ATP10A: variants seen among roughly 807,000 people sequenced by gnomAD.
ATP10A encodes phospholipid-transporting ATPase VA.
A neutral mutation model predicts 147.8 loss-of-function variants in ATP10A; 111 were observed. The ratio of observed to expected loss-of-function variants is 0.75; its 90% CI spans 0.64 to 0.88. ATP10A has a LOEUF of 0.88. ATP10A is among the 40% of genes least tolerant of loss of function. The pLI is 0.00. For synonymous variants in ATP10A, 875 were observed against 841.6 expected (o/e 1.04, Z -0.69); for missense variants, 1,927 against 1,959.0 (o/e 0.98, Z 0.31).
chr15:25,676,350 G>A (rs8024641), downstream of ATP10A, among the ~76,000 whole-genome samples: 2 of 152,154 alleles, frequency 1.3e-5, no homozygotes, highest in Non-Finnish European at 1.5e-5. Flanking sequence ...CTCTCCCCGC[G>A]CCTCCCTGGC....
rs1014254354 is a variant in ATP10A, at chr15:25,781,755, C to A, written c.450-532G>T. Among the ~76,000 whole-genome samples, 17 of 152,112 alleles carry A rather than the reference C, an allele frequency of 1.1e-4. 1 individual carries two copies. Among genetic ancestry groups the A allele is most frequent in the African/African-American group, 3.4e-4 (14 of 41,420 alleles). ...CATAAAGGCCACATATTGTATGACTCCATTGAACAAGCAAATGCATAGAGA... is the reference window on the plus strand; with the variant it reads ...CATAAAGGCCACATATTGTATGACTACATTGAACAAGCAAATGCATAGAGA... On this transcript the variant is annotated intron_variant, in intron 1 of 20. Coordinates refer to ENST00000555815, the MANE Select transcript of ATP10A (RefSeq NM_024490.4).
intron 2 of ATP10A, among the ~76,000 whole-genome samples, chr15:25,745,844 A>G (rs1362301371): frequency 1.3e-5 from 2 of 152,232 alleles, no homozygotes; most frequent in Non-Finnish European, 2.9e-5. Context: ...TCAAAGATGC[A>G]TGTTGTAATC....
chr15:25,856,258 A>C (rs1305268249), intron 1 of ATP10A, among the ~76,000 whole-genome samples: 2 of 152,104 alleles, frequency 1.3e-5, no homozygotes, highest in Admixed American at 1.3e-4. Context: ...CGTGCTAATG[A>C]GTGAGTCTCA....
chr15:25,705,549 T>C (rs551067931), intron 12 of ATP10A, among the ~76,000 whole-genome samples: 25 of 151,906 alleles, frequency 1.6e-4, no homozygotes, highest in African/African-American at 3.6e-4. Flanking sequence ...TTAATGAAGC[T>C]GAGGAGCTGG....
At chr15:25,725,803 G>C (rs959052294) in intron 5 of ATP10A, 148 bp downstream of exon 5, 68 of 953,202 alleles carry the variant, frequency 7.1e-5, no homozygotes, top group Non-Finnish European at 9.4e-5. Flanking sequence ...ATTTTTAGTA[G>C]AGATGGGATT....
At chr15:25,713,226 C>A (rs1475012913) in intron 10 of ATP10A, among the ~76,000 whole-genome samples, 1 of 152,164 alleles carries the variant, frequency 6.6e-6, no homozygotes, top group Non-Finnish European at 1.5e-5. Context: ...CCTTCCCCTC[C>A]CAAGTGCCAG....
At chr15:25,850,963 G>T (rs1281165777) in intron 1 of ATP10A, among the ~76,000 whole-genome samples, 1 of 152,048 alleles carries the variant, frequency 6.6e-6, no homozygotes, top group Admixed American at 6.6e-5. Context: ...TCGTGTACTG[G>T]ATTCTTTTAG....
At chr15:25,713,165 G>A (rs1901547521) in intron 10 of ATP10A, among the ~76,000 whole-genome samples, 1 of 152,204 alleles carries the variant, frequency 6.6e-6, no homozygotes, top group African/African-American at 2.4e-5. Flanking sequence ...CGTCCTCTGA[G>A]CACAGAGGGA....
intron 1 of ATP10A, among the ~76,000 whole-genome samples, chr15:25,799,557 T>C (rs1225942645): frequency 1.3e-5 from 2 of 152,132 alleles, no homozygotes; most frequent in Non-Finnish European, 2.9e-5. Context: ...ATAACATTCA[T>C]TGGCATGTTC....
chr15:25,706,728 G>A (rs577161280), intron 12 of ATP10A, among the ~76,000 whole-genome samples: 14 of 152,336 alleles, frequency 9.2e-5, no homozygotes, highest in African/African-American at 2.4e-4. Flanking sequence ...AAATGGCACC[G>A]GAGGGCCAAT....
intron 13 of ATP10A, among the ~76,000 whole-genome samples, chr15:25,696,503 C>T (rs937929558): frequency 6.6e-6 from 1 of 152,260 alleles, no homozygotes; most frequent in Non-Finnish European, 1.5e-5. Flanking sequence ...CATCCCGTTG[C>T]TCCCACTGAC....
intron 1 of ATP10A, among the ~76,000 whole-genome samples, chr15:25,858,713 G>A (rs956116286): frequency 6.6e-6 from 1 of 152,066 alleles, no homozygotes; most frequent in African/African-American, 2.4e-5. Flanking sequence ...AAAGATGACG[G>A]AAAGACACTG....
intron 12 of ATP10A, among the ~76,000 whole-genome samples, chr15:25,704,815 C>T (rs1236449805): frequency 6.6e-6 from 1 of 152,192 alleles, no homozygotes; most frequent in African/African-American, 2.4e-5. Context: ...ATTTATGTGA[C>T]TCTGAGTAAA....
intron 1 of ATP10A, among the ~76,000 whole-genome samples, chr15:25,833,773 C>A (rs796154797): frequency 3.3e-5 from 5 of 152,210 alleles, no homozygotes; most frequent in African/African-American, 1.2e-4. Flanking sequence ...GAGATTGAGA[C>A]CATCCTGGCT....
chr15:25,863,706 A>C (rs569082407), upstream of ATP10A: 1 of 152,322 alleles, frequency 6.6e-6, no homozygotes, highest in Non-Finnish European at 1.5e-5. Context: ...ACTGGAATCA[A>C]AATCCAAAGG....
intron 2 of ATP10A, among the ~76,000 whole-genome samples, chr15:25,743,535 A>T (rs1426199953): frequency 6.6e-6 from 1 of 152,232 alleles, no homozygotes; most frequent in Non-Finnish European, 1.5e-5. Flanking sequence ...TTCCCTGAGG[A>T]GGGTCTACAG....
downstream of ATP10A, among the ~76,000 whole-genome samples, chr15:25,676,662 G>T (rs1040579734): frequency 2.6e-5 from 4 of 152,130 alleles, no homozygotes; most frequent in Non-Finnish European, 5.9e-5. Context: ...CATGTCCTGA[G>T]AAGGCCTTTT....
At chr15:25,766,782 G>C (rs900780658) in intron 2 of ATP10A, among the ~76,000 whole-genome samples, 1 of 151,564 alleles carries the variant, frequency 6.6e-6, no homozygotes, top group African/African-American at 2.4e-5. Flanking sequence ...AAACATCCTA[G>C]AACACAGCTA....
intron 7 of ATP10A, 40 bp from the exon 8 acceptor site, chr15:25,718,439 G>A: frequency 1.3e-6 from 2 of 1,547,512 alleles, no homozygotes; most frequent in Non-Finnish European, 1.7e-6. Context: ...CATGGGGGAA[G>A]GCTGGGCGGA....
Sources: allele counts gnomAD v4.1 joint callset (sites outside exome capture counted in the v4.1 genomes callset), GRCh38; gene constraint gnomAD v4.1.1; transcripts MANE v1.5; gene names NCBI Gene and HGNC (gene_info 2026-07-23, HGNC 2026-07-21).